The following LMTK2 variants were observed in gnomAD, a reference collection of about 807,000 sequenced individuals.
LMTK2 encodes the protein serine/threonine-protein kinase LMTK2.
Under a neutral mutation model 127.5 loss-of-function variants are expected in LMTK2, and 37 were observed. The ratio of observed to expected loss-of-function variants is 0.29; its 90% CI spans 0.22 to 0.38. The LOEUF is 0.38. Among genes scored for constraint, LMTK2 ranks in the 10% least tolerant of loss-of-function variants. The pLI is 1.00. For synonymous variants in LMTK2, 819 were observed against 810.1 expected, an observed-to-expected ratio of 1.01 and a Z score of -0.19; for missense variants, 1,694 against 1,920.3, an observed-to-expected ratio of 0.88 and a Z score of 2.20.
rs1446058255 is a variant in LMTK2, at chr7:98,208,781, C to T, written c.*3289C>T. The T allele has an allele frequency of 6.6e-6, 1 of 152,216 alleles. No homozygotes were observed. The highest frequency in any genetic ancestry group is 1.5e-5 in the Non-Finnish European group (1 of 68,044). 9.4% of individuals were successfully genotyped at this position (152,216 alleles called of 1,614,324 possible). Reference sequence around the variant, plus strand: ...CACCGTAAGGGTGCAGAAAGCTCGACCAAGCCGAATTGCAAACAACGTTCG... The same window carrying T: ...CACCGTAAGGGTGCAGAAAGCTCGATCAAGCCGAATTGCAAACAACGTTCG... On this transcript the variant is annotated 3_prime_UTR_variant, in exon 14 of 14. Coordinates refer to ENST00000297293, the MANE Select transcript of LMTK2 (RefSeq NM_014916.4).
At chr7:98,122,292 T>C (rs534273512) in intron 1 of LMTK2, among the ~76,000 whole-genome samples, 1 of 151,606 alleles carries the variant, frequency 6.6e-6, no homozygotes, top group Admixed American at 6.6e-5. Flanking sequence ...GGGGATTTGG[T>C]GTATAGATAA....
chr7:98,190,623 C>T (rs760465933), intron 9 of LMTK2, 105 bp from the exon 10 acceptor site: 37 of 1,035,846 alleles, frequency 3.6e-5, no homozygotes, highest in Non-Finnish European at 5.3e-5. Flanking sequence ...ATAATCTTTT[C>T]AATACACACC....
At chr7:98,174,103 GTAAAAAAA>G (rs1400073372) in intron 7 of LMTK2, among the ~76,000 whole-genome samples, 2 of 88,398 alleles carry the variant, frequency 2.3e-5, no homozygotes, top group East Asian at 2.8e-4. Flanking sequence ...TCATTTTGTT[GTAAAAAAA>G]AAAAAAAAAA....
At chr7:98,167,454 C>T (rs908165379) in intron 6 of LMTK2, among the ~76,000 whole-genome samples, 2 of 152,144 alleles carry the variant, frequency 1.3e-5, no homozygotes, top group African/African-American at 4.8e-5. Flanking sequence ...GGGAGACTGG[C>T]GCAGGTGTGT....
intron 7 of LMTK2, among the ~76,000 whole-genome samples, chr7:98,181,324 C>T (rs546740164): frequency 1.3e-5 from 2 of 152,224 alleles, no homozygotes; most frequent in Non-Finnish European, 2.9e-5. Flanking sequence ...GCCATCCAGG[C>T]TGGAATAGTG....
chr7:98,171,131 C>T lies in LMTK2; in HGVS notation c.658-410C>T, dbSNP rs1161082487. Among the ~76,000 whole-genome samples, 1 of 152,126 alleles carries T rather than the reference C, an allele frequency of 6.6e-6. No homozygotes were observed. The highest frequency in any genetic ancestry group is 1.5e-5 in the Non-Finnish European group (1 of 68,034). On this transcript the variant is annotated intron_variant, in intron 6 of 13. Coordinates refer to ENST00000297293, the MANE Select transcript of LMTK2 (RefSeq NM_014916.4). This position sits in a 1 kb window ranked among gnomAD's most constrained non-coding sequence, Gnocchi z 5.1. ...CTCCAAGCTTTGGCAGTAACCACGG[C>T]GCCTTCGTGATGAAGCGCTCACTGC...
At chr7:98,186,415 T>C (rs1252769497) in intron 8 of LMTK2, among the ~76,000 whole-genome samples, 1 of 152,106 alleles carries the variant, frequency 6.6e-6, no homozygotes, top group East Asian at 1.9e-4. Flanking sequence ...TCTCCTCACT[T>C]CACAGATCAG....
rs367906050 is a variant in LMTK2 at position 98,191,825 on chromosome 7, C to T, written c.1360C>T (p.Arg454Trp). ...FPILDHFARD[R>W]LGREMEEVLT... ...AATTCTCGACCACTTTGCCAGGGAC[C>T]GGCTGGGTCGTGAAATGGAGGAAGT... The change falls in exon 11 of 14, where the codon CGG becomes TGG. Residue 454 changes from arginine to tryptophan, a missense_variant. Physicochemically the swap from Arg to Trp is moderately radical, Grantham distance 101 (BLOSUM62 -3). Around this residue, in one of 8 missense-constraint regions of LMTK2, gnomAD observed 216 missense variants for 266.8 expected, o/e 0.81. Coordinates refer to ENST00000297293, the MANE Select transcript of LMTK2 (RefSeq NM_014916.4). 4.3e-5 allele frequency: 70 copies of T among 1,614,146 alleles called. No individual in the cohort carries two copies. In the South Asian group the frequency reaches 7.0e-4, roughly 16 times the overall value.
rs1381805471 is a variant in LMTK2, at chr7:98,106,875, G to C, written c.-303G>C. On this transcript the variant is annotated 5_prime_UTR_variant, in exon 1 of 14. Transcript: ENST00000297293. ...CCCCCGCGCTACGTCACATGACGCAGCCCATCATGGCGGCGGGAGCGCGGC... is the reference window on the plus strand; with the variant it reads ...CCCCCGCGCTACGTCACATGACGCACCCCATCATGGCGGCGGGAGCGCGGC... 2 of 444,714 alleles carry C rather than the reference G, an allele frequency of 4.5e-6. No homozygotes were observed. Among genetic ancestry groups the C allele is most frequent in the Non-Finnish European group, 8.0e-6 (2 of 251,570 alleles). 27.5% of individuals were successfully genotyped at this position (444,714 alleles called of 1,614,324 possible).
At chr7:98,186,658 A>G (rs2116451591) in intron 8 of LMTK2, among the ~76,000 whole-genome samples, 1 of 152,290 alleles carries the variant, frequency 6.6e-6, no homozygotes, top group East Asian at 1.9e-4. Flanking sequence ...TGACTTAGCA[A>G]GCGTTCATGG....
chr7:98,150,238 GC>G (rs1320681771), intron 3 of LMTK2, among the ~76,000 whole-genome samples: 28 of 151,622 alleles, frequency 1.8e-4, no homozygotes, highest in African/African-American at 5.8e-4. Flanking sequence ...AACCCGGGAG[GC>G]GTAGGTTGCA....
chr7:98,201,659 G>T (rs573541169), intron 11 of LMTK2, among the ~76,000 whole-genome samples: 3 of 152,182 alleles, frequency 2.0e-5, no homozygotes, highest in African/African-American at 7.2e-5. Context: ...TCACTAGCTG[G>T]AGTACAGTGG....
Position 98,192,250 on chromosome 7 carries a change from T to C in LMTK2, c.1785T>C (p.Val595=). ...CCCAGCTCACGGCGCTCAGGAGCGT[T>C]GAACTTGAGGAGTCCAGTACAGATG... ...ELSQLTALRS[V]ELEESSTDED... The change falls in exon 11 of 14, where the codon GTT becomes GTC. Residue 595 remains valine, a synonymous_variant. Transcript: ENST00000297293. 1 of 1,525,174 alleles carries C rather than the reference T, an allele frequency of 6.6e-7. No homozygotes were observed. Among genetic ancestry groups the C allele is most frequent in the Admixed American group, 2.3e-5 (1 of 44,218 alleles). The allele number at this position is 1,525,174 out of a possible 1,614,324, so 94.5% of individuals were successfully genotyped here.
intron 1 of LMTK2, among the ~76,000 whole-genome samples, chr7:98,112,436 A>G (rs1290658914): frequency 6.6e-6 from 1 of 152,236 alleles, no homozygotes; most frequent in Non-Finnish European, 1.5e-5. Flanking sequence ...TGTCTAGTAC[A>G]ATAGCCACTA....
chr7:98,177,740 C>G (rs1048805155), intron 7 of LMTK2, among the ~76,000 whole-genome samples: 3 of 152,160 alleles, frequency 2.0e-5, no homozygotes, highest in Non-Finnish European at 2.9e-5. Context: ...CTCTGTGTAC[C>G]CAAATCCTAG....
At chr7:98,133,722 G>GT (rs1796557386) in intron 1 of LMTK2, among the ~76,000 whole-genome samples, 1 of 152,122 alleles carries the variant, frequency 6.6e-6, no homozygotes, top group South Asian at 2.1e-4. Context: ...CCTAGCAGAA[G>GT]TAAGTGTAGC....
intron 11 of LMTK2, 92 bp from the exon 12 acceptor site, chr7:98,203,482 G>C (rs2116484293): frequency 6.9e-7 from 1 of 1,455,020 alleles, no homozygotes. Context: ...CTCAGTCGAT[G>C]AGTCTGATGC....
chr7:98,174,727 A>G (rs6971967), intron 7 of LMTK2, among the ~76,000 whole-genome samples: 150,864 of 152,342 alleles, frequency 0.99, 74,718 homozygotes, highest in Middle Eastern at 1. Context: ...AGGTTGTAGC[A>G]TTACAGTTAC....
At position 98,194,142 on chromosome 7, in the gene LMTK2, C is replaced by T. The variant is rs1797587966; in HGVS notation, c.3677C>T (p.Ala1226Val). 6.2e-7 allele frequency: 1 copy of T among 1,613,976 alleles called. No individual in the cohort carries two copies. Among genetic ancestry groups the T allele is most frequent in the Admixed American group, 1.7e-5 (1 of 60,004 alleles). ...CAGGACGATCGCCCCTGCACCCTCG[C>T]TTCCACGGGGACCAACACGAACGAA... ...ETQDDRPCTL[A>V]STGTNTNELL... Residue 1226 changes from alanine to valine, a missense_variant, in exon 11 of 14, where the codon GCT (alanine) becomes GTT (valine). Transcript: ENST00000297293. This position sits in a 1 kb window ranked among gnomAD's most constrained non-coding sequence, Gnocchi z 5.4.
Sources: gnomAD v4.1 joint callset for allele counts (sites outside exome capture counted in the v4.1 genomes callset) on GRCh38, gnomAD v4.1.1 for gene constraint, gnomAD v4.1.1 regional missense constraint, Gnocchi (gnomAD v3.1) non-coding constraint, MANE v1.5 for transcripts, NCBI Gene and HGNC (gene_info 2026-07-23, HGNC 2026-07-21) for gene names.